Variants in DPP10 observed in about 807,000 individuals in gnomAD.
DPP10 encodes the protein inactive dipeptidyl peptidase 10.
In DPP10, 33 loss-of-function variants were observed where a neutral mutation model predicts 120.9. The ratio of observed to expected loss-of-function variants is 0.27; its 90% CI spans 0.21 to 0.37. DPP10 has a LOEUF of 0.37. DPP10 is among the 10% of genes least tolerant of loss of function. The pLI, the probability that DPP10 is intolerant of heterozygous loss-of-function variation, is 1.00. For synonymous variants in DPP10, 337 were observed against 326.1 expected (o/e 1.03, Z -0.36); for missense variants, 816 against 942.8 (o/e 0.87, Z 1.76).
chr2:115,535,660 G>T (rs1321401815), intron 5 of DPP10, among the ~76,000 whole-genome samples: 2 of 150,494 alleles, frequency 1.3e-5, no homozygotes, highest in Non-Finnish European at 3.0e-5. Context: ...AAAGGCATTG[G>T]TAGCTTGATG....
At chr2:115,311,938 T>C (rs1352286983) in intron 2 of DPP10, among the ~76,000 whole-genome samples, 1 of 151,992 alleles carries the variant, frequency 6.6e-6, no homozygotes, top group African/African-American at 2.4e-5. Flanking sequence ...CTTATTGTTA[T>C]AGAGATAGGG....
intron 7 of DPP10, among the ~76,000 whole-genome samples, chr2:115,717,041 T>G (rs1429891339): frequency 6.6e-6 from 1 of 152,220 alleles, no homozygotes; most frequent in Non-Finnish European, 1.5e-5. Context: ...TATTGTAACG[T>G]CAGAGGCTGA....
intron 2 of DPP10, among the ~76,000 whole-genome samples, chr2:115,336,783 TTAA>T (rs1405848524): frequency 1.3e-5 from 2 of 152,006 alleles, no homozygotes; most frequent in Non-Finnish European, 2.9e-5. Context: ...TTAATAAAAA[TTAA>T]TAATATTTTG....
chr2:115,751,231 A>G (rs1230367073), intron 10 of DPP10, among the ~76,000 whole-genome samples: 1 of 152,194 alleles, frequency 6.6e-6, no homozygotes, highest in Non-Finnish European at 1.5e-5. Flanking sequence ...TAAATTCTCT[A>G]GAAAAATCTA....
chr2:115,671,574 A>G (rs1167080698), intron 5 of DPP10, among the ~76,000 whole-genome samples: 1 of 152,038 alleles, frequency 6.6e-6, no homozygotes, highest in Non-Finnish European at 1.5e-5. Context: ...AATAAAATAT[A>G]TTATTAAAAT....
At chr2:114,834,630 T>C (rs1687499545) in intron 1 of DPP10, among the ~76,000 whole-genome samples, 1 of 136,460 alleles carries the variant, frequency 7.3e-6, no homozygotes. Context: ...CCTATGTATA[T>C]ATAAGCCATA....
At chr2:115,583,867 G>T (rs562206660) in intron 5 of DPP10, among the ~76,000 whole-genome samples, 2 of 152,220 alleles carry the variant, frequency 1.3e-5, no homozygotes, top group African/African-American at 2.4e-5. Context: ...TACAGCAAAG[G>T]ATGAGGGTAG....
At chr2:115,765,344 C>T (rs7566938) in intron 12 of DPP10, among the ~76,000 whole-genome samples, 43,583 of 151,890 alleles carry the variant, frequency 0.29, 6,753 homozygotes, top group Middle Eastern at 0.44. Flanking sequence ...GGGGGTAAAT[C>T]TGGTGGATAG....
At chr2:115,724,401 T>G (rs1423528193) in intron 7 of DPP10, among the ~76,000 whole-genome samples, 1 of 152,232 alleles carries the variant, frequency 6.6e-6, no homozygotes, top group Admixed American at 6.5e-5. Context: ...GTGATGTATA[T>G]TGGGTCCAAT....
intron 3 of DPP10, among the ~76,000 whole-genome samples, chr2:115,354,321 C>A (rs958324725): frequency 9.9e-5 from 15 of 152,026 alleles, no homozygotes; most frequent in African/African-American, 3.4e-4. Context: ...AGTTTGTCTC[C>A]CACATTCCCT....
chr2:114,841,385 A>C (rs936358631), intron 1 of DPP10, among the ~76,000 whole-genome samples: 1 of 152,158 alleles, frequency 6.6e-6, no homozygotes, highest in Non-Finnish European at 1.5e-5. Context: ...AAATCTCAGC[A>C]GTGCACTTTT....
At chr2:114,898,518 A>T (rs1466233849) in intron 1 of DPP10, among the ~76,000 whole-genome samples, 1 of 152,186 alleles carries the variant, frequency 6.6e-6, no homozygotes, top group Non-Finnish European at 1.5e-5. Context: ...ATAAAAAAAA[A>T]AATAAAGGTG....
intron 1 of DPP10, among the ~76,000 whole-genome samples, chr2:114,628,242 C>T (rs1349387391): frequency 6.6e-6 from 1 of 152,046 alleles, no homozygotes; most frequent in Non-Finnish European, 1.5e-5. Flanking sequence ...AATACTAAAA[C>T]AGTGGTTTTG....
At chr2:114,768,055 G>A (rs1224671179) in intron 1 of DPP10, among the ~76,000 whole-genome samples, 1 of 151,038 alleles carries the variant, frequency 6.6e-6, no homozygotes, top group Non-Finnish European at 1.5e-5. Flanking sequence ...TTGAACCCAG[G>A]AGGTGGAGGT....
intron 7 of DPP10, among the ~76,000 whole-genome samples, chr2:115,704,692 T>C (rs1302859704): frequency 5.9e-5 from 9 of 151,998 alleles, no homozygotes; most frequent in Admixed American, 2.0e-4. Context: ...GAGGCCATGA[T>C]ATACCATAAG....
intron 1 of DPP10, among the ~76,000 whole-genome samples, chr2:115,296,795 G>A (rs1422526548): frequency 6.6e-6 from 1 of 151,972 alleles, no homozygotes; most frequent in Non-Finnish European, 1.5e-5. Flanking sequence ...TTCATCTAGA[G>A]TCCTTCCTTA....
chr2:114,834,093 G>GCACCTATGTATATATAAGCCATATCTACT, intron 1 of DPP10: 1 of 115,378 alleles, frequency 8.7e-6, no homozygotes, highest in South Asian at 2.9e-4. Flanking sequence ...CCATATCTAC[G>GCACCTATGTATATATAAGCCATATCTACT]CACCTATGTA....
At chr2:114,594,315 C>T (rs1691710174) in intron 1 of DPP10, among the ~76,000 whole-genome samples, 1 of 151,344 alleles carries the variant, frequency 6.6e-6, no homozygotes, top group South Asian at 2.1e-4. Flanking sequence ...TTGCAGACAG[C>T]CTATTGTGGG....
At chr2:115,557,133 C>T (rs1329232397) in intron 5 of DPP10, among the ~76,000 whole-genome samples, 1 of 152,088 alleles carries the variant, frequency 6.6e-6, no homozygotes, top group African/African-American at 2.4e-5. Flanking sequence ...AATATAACCA[C>T]ATGAAATATG....
Sources: allele counts gnomAD v4.1 joint callset (sites outside exome capture counted in the v4.1 genomes callset), GRCh38; gene constraint gnomAD v4.1.1; transcripts MANE v1.5; gene names NCBI Gene and HGNC (gene_info 2026-07-23, HGNC 2026-07-21).